CRIM1: variants seen among roughly 807,000 people sequenced by gnomAD.
The protein encoded by CRIM1 is cysteine rich transmembrane BMP regulator 1, also known as cysteine-rich motor neuron 1 protein.
CRIM1 carries 32 observed loss-of-function variants against 116.4 expected under a neutral mutation model. The ratio of observed to expected loss-of-function variants is 0.27; its 90% CI spans 0.21 to 0.37. The LOEUF is 0.37. Among genes scored for constraint, CRIM1 ranks in the 10% least tolerant of loss-of-function variants. CRIM1 has a pLI of 1.00. For missense variants in CRIM1, 1,331 were observed against 1,354.8 expected (o/e 0.98, Z 0.28); for synonymous variants, 590 against 509.2 (o/e 1.16, Z -2.13).
chr2:36,381,735 C>T (rs576832487), intron 1 of CRIM1, among the ~76,000 whole-genome samples: 4 of 152,204 alleles, frequency 2.6e-5, no homozygotes, highest in Non-Finnish European at 4.4e-5. Context: ...TGCAGTGAGC[C>T]GAGATTACGC....
At chr2:36,379,110 C>G (rs146454905) in intron 1 of CRIM1, 9 of 152,238 alleles carry the variant, frequency 5.9e-5, no homozygotes, top group African/African-American at 2.2e-4. Context: ...GTCCATTGTA[C>G]AAATTTTAAT....
intron 1 of CRIM1, among the ~76,000 whole-genome samples, chr2:36,390,889 A>C (rs1028169555): frequency 6.6e-6 from 1 of 151,842 alleles, no homozygotes; most frequent in African/African-American, 2.4e-5. Context: ...GGCTCACTGC[A>C]ACCTCCACCT....
At position 36,396,629 on chromosome 2, in the gene CRIM1, A is replaced by G; in HGVS notation, c.347A>G (p.Asp116Gly). The G allele has an allele frequency of 6.2e-7, 1 of 1,604,990 alleles. No homozygotes were observed. Among genetic ancestry groups the G allele is most frequent in the African/African-American group, 1.3e-5 (1 of 74,938 alleles). Residue 116 changes from aspartate (D) to glycine (G), a missense_variant, in exon 2 of 17, where the codon GAT (aspartate) becomes GGT (glycine). Asp to Gly is a moderately conservative substitution (Grantham distance 94). This residue lies in a region of CRIM1 where 690 missense variants were observed against 676.0 expected (regional missense o/e 1.02). Coordinates refer to ENST00000280527, the MANE Select transcript of CRIM1 (RefSeq NM_016441.3). ...AGVCEDENWTDDQLLGFKPCN... is the reference protein window; with the variant it reads ...AGVCEDENWTGDQLLGFKPCN... ...TGTTTTACAGATGAGAACTGGACTG[A>G]TGACCAACTGCTTGGTTTTAAACCA...
intron 11 of CRIM1, 104 bp downstream of exon 11, chr2:36,513,869 T>A (rs1318922205): frequency 1.0e-6 from 1 of 974,162 alleles, no homozygotes; most frequent in Admixed American, 2.1e-5. Context: ...GGACAACCCC[T>A]GGAACACTTT....
intron 2 of CRIM1, among the ~76,000 whole-genome samples, chr2:36,425,349 C>G (rs572549734): frequency 6.6e-6 from 1 of 152,308 alleles, no homozygotes; most frequent in East Asian, 1.9e-4. Context: ...ATCAGAAGAT[C>G]AACTGCTGAG....
Position 36,544,396 on chromosome 2 carries a change from A to G in CRIM1, c.2644A>G (p.Thr882Ala). Residue 882 changes from threonine to alanine, a missense_variant, in exon 15 of 17, where the codon ACC (threonine) becomes GCC (alanine). Around this residue, in one of 3 missense-constraint regions of CRIM1, gnomAD observed 283 missense variants for 242.8 expected, o/e 1.17. Transcript: ENST00000280527. The part of the protein sequence containing the change: ...MCPEMYVPEP[T>A]NIPIEKTNHR... ...TTTAGAAATGTATGTCCCAGAACCAACCAATATACCCATTGAGAAGACAAA... is the reference window on the plus strand; with the variant it reads ...TTTAGAAATGTATGTCCCAGAACCAGCCAATATACCCATTGAGAAGACAAA... 1.4e-6 allele frequency: 2 copies of G among 1,391,420 alleles called. No individual in the cohort carries two copies. The highest frequency in any genetic ancestry group is 4.1e-5 in the South Asian group (2 of 48,406). 86.2% of individuals were successfully genotyped at this position (1,391,420 alleles called of 1,614,324 possible).
chr2:36,406,287 G>A (rs1672787783), intron 2 of CRIM1, among the ~76,000 whole-genome samples: 2 of 152,146 alleles, frequency 1.3e-5, no homozygotes. Context: ...GGAAATGGGT[G>A]GGTTTTGTAC....
intron 8 of CRIM1, among the ~76,000 whole-genome samples, chr2:36,501,998 A>C (rs1681034180): frequency 6.6e-6 from 1 of 152,216 alleles, no homozygotes; most frequent in African/African-American, 2.4e-5. Context: ...TAATCCTTCT[A>C]ATGCCTCTTA....
intron 14 of CRIM1, among the ~76,000 whole-genome samples, chr2:36,541,067 C>T (rs1325501375): frequency 6.6e-6 from 1 of 152,122 alleles, no homozygotes; most frequent in Non-Finnish European, 1.5e-5. Flanking sequence ...ATCAGTTGAG[C>T]TTTTGCCACC....
intron 2 of CRIM1, among the ~76,000 whole-genome samples, chr2:36,400,834 G>A (rs898569171): frequency 2.0e-5 from 3 of 152,152 alleles, no homozygotes; most frequent in African/African-American, 7.2e-5. Flanking sequence ...GCCAGGAGGG[G>A]TTAAGAGTGC....
At chr2:36,509,207 CAT>C (rs1489989214) in intron 8 of CRIM1, among the ~76,000 whole-genome samples, 1 of 152,104 alleles carries the variant, frequency 6.6e-6, no homozygotes, top group Non-Finnish European at 1.5e-5. Flanking sequence ...AAGTAGTTGT[CAT>C]GTGGATATTT....
intron 1 of CRIM1, among the ~76,000 whole-genome samples, chr2:36,391,161 G>T: frequency 2.0e-5 from 2 of 99,408 alleles, no homozygotes; most frequent in East Asian, 3.3e-4. Flanking sequence ...TTGGAGTCTT[G>T]CTCTGTCACC....
chr2:36,469,179 TGGTGCCAAGAGTGGTG>T (rs1678290466), intron 5 of CRIM1, among the ~76,000 whole-genome samples: 1 of 152,114 alleles, frequency 6.6e-6, no homozygotes, highest in Non-Finnish European at 1.5e-5. Flanking sequence ...CTCTTCCCAG[TGGTGCCAAGAGTGGTG>T]GGTGGATGGG....
chr2:36,427,340 A>G (rs1312998581), intron 2 of CRIM1, among the ~76,000 whole-genome samples: 5 of 152,168 alleles, frequency 3.3e-5, no homozygotes, highest in East Asian at 3.9e-4. Flanking sequence ...CATCCACTCA[A>G]TATAGGGATA....
intron 13 of CRIM1, among the ~76,000 whole-genome samples, chr2:36,524,463 G>T (rs1048918376): frequency 2.0e-5 from 3 of 151,936 alleles, no homozygotes; most frequent in African/African-American, 7.3e-5. Context: ...TAAGTTCAGA[G>T]GTACAAGTGC....
At chr2:36,483,470 G>A (rs1679577088) in intron 7 of CRIM1, among the ~76,000 whole-genome samples, 1 of 152,176 alleles carries the variant, frequency 6.6e-6, no homozygotes, top group South Asian at 2.1e-4. Context: ...TTCGGTATGG[G>A]TGCTGTCATC....
chr2:36,383,429 T>G (rs1383569358), intron 1 of CRIM1, among the ~76,000 whole-genome samples: 1 of 152,232 alleles, frequency 6.6e-6, no homozygotes, highest in African/African-American at 2.4e-5. Flanking sequence ...AATGCATAAG[T>G]AGTGAATAAA....
At chr2:36,531,967 G>A (rs770076200) in intron 13 of CRIM1, 23 of 470,972 alleles carry the variant, frequency 4.9e-5, no homozygotes, top group Middle Eastern at 3.2e-4. Flanking sequence ...GGTCCCTGAC[G>A]TAGTTGACGG....
At chr2:36,507,902 G>T (rs1009712137) in intron 8 of CRIM1, among the ~76,000 whole-genome samples, 7 of 152,200 alleles carry the variant, frequency 4.6e-5, no homozygotes, top group African/African-American at 1.7e-4. Context: ...AATCCCAAGG[G>T]ATGTTGACTG....
Sources: gnomAD v4.1 joint callset for allele counts (sites outside exome capture counted in the v4.1 genomes callset) on GRCh38, gnomAD v4.1.1 for gene constraint, gnomAD v4.1.1 regional missense constraint, MANE v1.5 for transcripts, NCBI Gene and HGNC (gene_info 2026-07-23, HGNC 2026-07-21) for gene names.